Variants in THAP4 observed in about 807,000 individuals in gnomAD.
THAP4 encodes the protein THAP domain containing 4, also known as peroxynitrite isomerase THAP4.
A neutral mutation model predicts 48.1 loss-of-function variants in THAP4; 18 were observed. That is an observed-to-expected ratio of 0.37 (90% CI 0.26 to 0.56). The LOEUF (loss-of-function observed/expected upper bound fraction) is 0.56. Among genes scored for constraint, THAP4 ranks in the 20% least tolerant of loss-of-function variants. The pLI is 0.78. For missense variants in THAP4, 656 were observed against 774.9 expected, an observed-to-expected ratio of 0.85 and a Z score of 1.82; for synonymous variants, 345 against 324.9, an observed-to-expected ratio of 1.06 and a Z score of -0.66.
chr2:241,597,789 G>T (rs1372619551), intron 5 of THAP4, among the ~76,000 whole-genome samples: 1 of 152,076 alleles, frequency 6.6e-6, no homozygotes, highest in Non-Finnish European at 1.5e-5. Context: ...CCATTAAGTC[G>T]CTCGGTAGAG....
chr2:241,636,975 C>A lies in THAP4; in HGVS notation c.43G>T (p.Gly15Ter). ...CAAVNCSNRQ[G>*]KGEKRAVSFH... is the part of the protein sequence containing the mutation. ...GAGACGGCGCGCTTCTCGCCCTTTC[C>A]CTGCCGGTTGGAGCAGTTCACGGCC... The change falls in exon 1 of 6, where the codon GGA becomes TGA. Residue 15 changes from glycine (G) to a stop codon, truncating the protein, a stop_gained. Transcript: ENST00000407315. LOFTEE classifies it high-confidence loss of function. The A allele has an allele frequency of 3.0e-6, 4 of 1,325,442 alleles. No homozygotes were observed. Among genetic ancestry groups the A allele is most frequent in the Non-Finnish European group, 3.9e-6 (4 of 1,014,556 alleles). 82.1% of individuals were successfully genotyped at this position (1,325,442 alleles called of 1,614,324 possible).
intron 2 of THAP4, 107 bp downstream of exon 2, chr2:241,632,810 G>A (rs1200189922): frequency 1.2e-6 from 1 of 838,220 alleles, no homozygotes; most frequent in Non-Finnish European, 1.8e-6. Context: ...TGAGAGCGCA[G>A]GGAGCTTGTG....
intron 2 of THAP4, among the ~76,000 whole-genome samples, chr2:241,614,109 G>A (rs1208922503): frequency 6.6e-6 from 1 of 150,692 alleles, no homozygotes; most frequent in Non-Finnish European, 1.5e-5. Flanking sequence ...AGCCAAGATC[G>A]CGCCACTGCA....
intron 2 of THAP4, among the ~76,000 whole-genome samples, chr2:241,608,039 G>A (rs1320156411): frequency 2.0e-5 from 3 of 151,884 alleles, no homozygotes; most frequent in African/African-American, 2.4e-5. Flanking sequence ...ACGGACTGAC[G>A]GGGACAGGAG....
At chr2:241,629,180 G>A (rs2067529032) in intron 2 of THAP4, among the ~76,000 whole-genome samples, 1 of 152,104 alleles carries the variant, frequency 6.6e-6, no homozygotes, top group South Asian at 2.1e-4. Context: ...TTTTAAAACT[G>A]AAAGATGGGC....
intron 5 of THAP4, among the ~76,000 whole-genome samples, chr2:241,595,877 C>A (rs1056696455): frequency 6.6e-6 from 1 of 152,202 alleles, no homozygotes; most frequent in Non-Finnish European, 1.5e-5. Context: ...AGCCCCGGAA[C>A]GACCCTGGGC....
At chr2:241,591,631 C>T (rs1347585733) in intron 5 of THAP4, among the ~76,000 whole-genome samples, 3 of 152,046 alleles carry the variant, frequency 2.0e-5, no homozygotes, top group East Asian at 1.9e-4. Flanking sequence ...ACAGGGGGGC[C>T]GGGCTCTTCA....
chr2:241,617,947 C>G (rs2067368895), intron 2 of THAP4, among the ~76,000 whole-genome samples: 1 of 152,224 alleles, frequency 6.6e-6, no homozygotes, highest in Admixed American at 6.5e-5. Flanking sequence ...GCAAATGCAC[C>G]CACTGGGACC....
chr2:241,629,836 A>C (rs2067535655), intron 2 of THAP4, among the ~76,000 whole-genome samples: 1 of 151,658 alleles, frequency 6.6e-6, no homozygotes, highest in South Asian at 2.1e-4. Context: ...GGGGAGGTCT[A>C]CCTCACCTTT....
chr2:241,607,712 G>A (rs898740456), intron 2 of THAP4, among the ~76,000 whole-genome samples: 1 of 145,064 alleles, frequency 6.9e-6, no homozygotes, highest in Admixed American at 6.9e-5. Flanking sequence ...ACGGACTGAC[G>A]GGGACAGGAT....
At position 241,616,350 on chromosome 2, in the gene THAP4, C is replaced by T. The variant is rs947975855; in HGVS notation, c.1241-9877G>A. 8.5e-5 allele frequency among the ~76,000 whole-genome samples: 13 copies of T among 152,136 alleles called. No individual in the cohort carries two copies. Among genetic ancestry groups the T allele is most frequent in the Non-Finnish European group, 1.5e-5 (1 of 68,032 alleles). Reference sequence around the variant, plus strand: ...AGTGAGAAGGGCGGGTGCAGGCGCACGAGAGCTGAGGGCGAGCCCTGGCAT... The same window carrying T: ...AGTGAGAAGGGCGGGTGCAGGCGCATGAGAGCTGAGGGCGAGCCCTGGCAT... On this transcript the variant is annotated intron_variant, in intron 2 of 5. Coordinates refer to ENST00000407315, the MANE Select transcript of THAP4 (RefSeq NM_015963.6). This position sits in a 1 kb window ranked among gnomAD's most constrained non-coding sequence, Gnocchi z 4.6.
At chr2:241,608,609 T>C (rs2067220258) in intron 2 of THAP4, among the ~76,000 whole-genome samples, 1 of 152,194 alleles carries the variant, frequency 6.6e-6, no homozygotes, top group Admixed American at 6.5e-5. Flanking sequence ...AGGCTTGTGA[T>C]CTATCATAGC....
upstream of THAP4, chr2:241,637,513 CG>C: frequency 6.9e-7 from 1 of 1,438,892 alleles, no homozygotes; most frequent in South Asian, 1.4e-5. Flanking sequence ...GACCCCATGC[CG>C]CCCGCAGGGC....
intron 2 of THAP4, among the ~76,000 whole-genome samples, chr2:241,630,402 G>C (rs561136220): frequency 6.6e-6 from 1 of 152,276 alleles, no homozygotes; most frequent in South Asian, 2.1e-4. Context: ...TCAGAGACAC[G>C]AAGGGCTGGC....
At chr2:241,636,746 C>G (rs988700294) in intron 1 of THAP4, among the ~76,000 whole-genome samples, 195 bp downstream of exon 1, 2 of 150,982 alleles carry the variant, frequency 1.3e-5, no homozygotes, top group Non-Finnish European at 3.0e-5. Flanking sequence ...GGGGTGGGGG[C>G]GGCTGCGCTG....
In THAP4 at chr2:241,601,379, G is replaced by C. The variant is rs540036311; in HGVS notation, c.1614+517C>G. Reference sequence around the variant, plus strand: ...GTGAGCATGGGGAATGAGCCCTCCTGCTTCTAAGTTAGATTCAAAACATGA... The same window carrying C: ...GTGAGCATGGGGAATGAGCCCTCCTCCTTCTAAGTTAGATTCAAAACATGA... On this transcript the variant is annotated intron_variant, in intron 5 of 5. Coordinates refer to ENST00000407315, the MANE Select transcript of THAP4 (RefSeq NM_015963.6). The surrounding 1 kb of genome is among the most constrained non-coding windows in gnomAD (Gnocchi z 4.0). 2.8e-4 allele frequency among the ~76,000 whole-genome samples: 43 copies of C among 152,146 alleles called. No homozygotes were observed. Among genetic ancestry groups the C allele is most frequent in the Non-Finnish European group, 5.0e-4 (34 of 68,024 alleles).
At chr2:241,599,862 A>G (rs1309092395) in intron 5 of THAP4, among the ~76,000 whole-genome samples, 2 of 152,198 alleles carry the variant, frequency 1.3e-5, no homozygotes, top group African/African-American at 2.4e-5. Context: ...TGTAATATAC[A>G]GCTGTGAGAG....
At chr2:241,635,998 T>A (rs950296626) in intron 1 of THAP4, among the ~76,000 whole-genome samples, 1 of 151,958 alleles carries the variant, frequency 6.6e-6, no homozygotes, top group Admixed American at 6.6e-5. Context: ...TGTCCTTTCC[T>A]CCCATACCAT....
chr2:241,637,445 C>T (rs544273063), upstream of THAP4: 2 of 1,472,100 alleles, frequency 1.4e-6, no homozygotes, highest in African/African-American at 2.9e-5. Flanking sequence ...GGAGGAAGCG[C>T]CACCCATGGC....
Sources: gnomAD v4.1 joint callset for allele counts (sites outside exome capture counted in the v4.1 genomes callset) on GRCh38, gnomAD v4.1.1 for gene constraint, Gnocchi (gnomAD v3.1) non-coding constraint, MANE v1.5 for transcripts, NCBI Gene and HGNC (gene_info 2026-07-23, HGNC 2026-07-21) for gene names.